Variants in CPEB3 observed in about 807,000 individuals in gnomAD.
CPEB3 encodes cytoplasmic polyadenylation element-binding protein 3.
CPEB3 carries 20 observed loss-of-function variants against 67.2 expected under a neutral mutation model. The observed-to-expected ratio is 0.30, with a 90% CI of 0.21 to 0.43. CPEB3 has a LOEUF of 0.43. CPEB3 is among the 20% of genes least tolerant of loss of function. The probability of loss-of-function intolerance (pLI) is 1.00; values close to 1 mark genes in which losing one functional copy is unlikely to be tolerated. For synonymous variants in CPEB3, 376 were observed against 393.1 expected (o/e 0.96, Z 0.51); for missense variants, 746 against 968.6 (o/e 0.77, Z 3.05).
chr10:92,236,582 T>C (rs1186158756), intron 2 of CPEB3, among the ~76,000 whole-genome samples: 2 of 152,116 alleles, frequency 1.3e-5, no homozygotes, highest in East Asian at 3.9e-4. Context: ...ACCCTGCTTC[T>C]ACTAAAAATA....
intron 7 of CPEB3, among the ~76,000 whole-genome samples, chr10:92,107,750 T>C (rs1844542814): frequency 6.6e-6 from 1 of 152,154 alleles, no homozygotes; most frequent in Non-Finnish European, 1.5e-5. Context: ...AGCTCCTCAA[T>C]ACCTCCTCTT....
At chr10:92,073,027 T>A (rs118137447) in intron 9 of CPEB3, among the ~76,000 whole-genome samples, 129 of 146,382 alleles carry the variant, frequency 8.8e-4, no homozygotes, top group East Asian at 4.4e-3. Flanking sequence ...AACTAAGGCA[T>A]GAATCTCTGT....
chr10:92,125,735 T>A (rs997237791), intron 6 of CPEB3, among the ~76,000 whole-genome samples: 6 of 152,096 alleles, frequency 3.9e-5, no homozygotes, highest in African/African-American at 1.4e-4. Context: ...TTTTTTTTTT[T>A]TTTAAGACAG....
intron 1 of CPEB3, among the ~76,000 whole-genome samples, chr10:92,258,129 G>A (rs559699289): frequency 3.8e-4 from 55 of 143,220 alleles, no homozygotes; most frequent in African/African-American, 1.2e-3. Flanking sequence ...ACCAAGTCTC[G>A]CTCTGTCACC....
rs545467878 is a variant in CPEB3, at chr10:92,047,864, T to C, written c.*4348A>G. ...ATCAACCACTAGTAGAAACATATCA[T>C]CTATCTGGATCAAGTCATTGGCTGT... On this transcript the variant is annotated 3_prime_UTR_variant, in exon 10 of 10. Coordinates refer to ENST00000265997, the MANE Select transcript of CPEB3 (RefSeq NM_014912.5). 2 of 152,342 alleles carry C rather than the reference T, an allele frequency of 1.3e-5. No homozygotes were observed. Among genetic ancestry groups the C allele is most frequent in the South Asian group, 4.1e-4 (2 of 4,828 alleles). The allele number at this position is 152,342 out of a possible 1,614,324, so 9.4% of individuals were successfully genotyped here. A position where few individuals can be genotyped will look rare whatever the true frequency, so the allele number is the denominator to read the frequency against.
chr10:92,123,271 A>C (rs898528833), intron 6 of CPEB3, among the ~76,000 whole-genome samples: 4 of 152,208 alleles, frequency 2.6e-5, no homozygotes, highest in African/African-American at 9.6e-5. Flanking sequence ...TTCTAGTCAC[A>C]GTCAGTTCAA....
At chr10:92,280,654 GAA>G (rs373137395) in intron 1 of CPEB3, among the ~76,000 whole-genome samples, 3,002 of 81,018 alleles carry the variant, frequency 0.037, 31 homozygotes, top group Middle Eastern at 0.13. Flanking sequence ...GGCCGAGAGT[GAA>G]AAAAAAAAAA....
chr10:92,213,633 G>T (rs1340173691), intron 2 of CPEB3, among the ~76,000 whole-genome samples: 1 of 152,126 alleles, frequency 6.6e-6, no homozygotes, highest in Non-Finnish European at 1.5e-5. Flanking sequence ...AGACTTTGTA[G>T]AACCTTACTA....
chr10:92,224,957 C>G (rs1317642189), intron 2 of CPEB3, among the ~76,000 whole-genome samples: 1 of 146,348 alleles, frequency 6.8e-6, no homozygotes, highest in Non-Finnish European at 1.5e-5. Context: ...AAAAATGAAC[C>G]CTACCCCATT....
In CPEB3 at chr10:92,048,408, C is replaced by CA; in HGVS notation, c.*3803_*3804insT. 1 of 148,874 alleles carries CA rather than the reference C, an allele frequency of 6.7e-6. No homozygotes were observed. The highest frequency in any genetic ancestry group is 1.5e-5 in the Non-Finnish European group (1 of 67,164). The allele number at this position is 148,874 out of a possible 1,614,324, so 9.2% of individuals were successfully genotyped here. A position where few individuals can be genotyped will look rare whatever the true frequency, so the allele number is the denominator to read the frequency against. ...TCTCTCACACACACACACACACACA[C>CA]GACATAATGACGAGTTAGAGGGGAA... On this transcript the variant is annotated 3_prime_UTR_variant, in exon 10 of 10. Transcript: ENST00000265997. The surrounding 1 kb of genome is among the most constrained non-coding windows in gnomAD (Gnocchi z 4.1).
At chr10:92,208,657 G>A (rs968301719) in intron 2 of CPEB3, among the ~76,000 whole-genome samples, 4 of 151,176 alleles carry the variant, frequency 2.6e-5, no homozygotes, top group Non-Finnish European at 5.9e-5. Context: ...GCAGTTGGGG[G>A]ATCTGAGCTC....
intron 9 of CPEB3, among the ~76,000 whole-genome samples, chr10:92,062,191 G>A (rs1298472069): frequency 1.4e-5 from 2 of 144,580 alleles, no homozygotes; most frequent in African/African-American, 5.1e-5. Flanking sequence ...GTTGCAGTGA[G>A]CTGAGATCAC....
chr10:92,055,596 G>T (rs1402530092), intron 9 of CPEB3, among the ~76,000 whole-genome samples: 1 of 152,182 alleles, frequency 6.6e-6, no homozygotes, highest in Non-Finnish European at 1.5e-5. Context: ...TCAAAAGCTG[G>T]TGGTCTGCTA....
intron 2 of CPEB3, among the ~76,000 whole-genome samples, chr10:92,196,257 G>A (rs1172945091): frequency 1.3e-5 from 2 of 152,212 alleles, no homozygotes; most frequent in Non-Finnish European, 2.9e-5. Context: ...TGAGGGCAGG[G>A]ACTAGTGTGA....
chr10:92,085,964 AC>A (rs1260560215), intron 8 of CPEB3, among the ~76,000 whole-genome samples: 1 of 152,026 alleles, frequency 6.6e-6, no homozygotes, highest in African/African-American at 2.4e-5. Context: ...CAGAGAGGAA[AC>A]CCATGATGAC....
At chr10:92,129,708 GAA>G (rs1258727441) in intron 6 of CPEB3, among the ~76,000 whole-genome samples, 1 of 151,684 alleles carries the variant, frequency 6.6e-6, no homozygotes, top group African/African-American at 2.4e-5. Context: ...CAATTTAGGA[GAA>G]AAAAAATCCT....
At chr10:92,195,081 A>ACACG (rs1849177520) in intron 2 of CPEB3, among the ~76,000 whole-genome samples, 2 of 150,338 alleles carry the variant, frequency 1.3e-5, no homozygotes, top group Non-Finnish European at 3.0e-5. Context: ...ACACACACAC[A>ACACG]CGTACAAAAA....
At chr10:92,210,202 A>G (rs964506280) in intron 2 of CPEB3, among the ~76,000 whole-genome samples, 1 of 152,198 alleles carries the variant, frequency 6.6e-6, no homozygotes, top group Non-Finnish European at 1.5e-5. Flanking sequence ...ATAGAATTGA[A>G]TAAGTTATTT....
chr10:92,272,717 G>C (rs1439152335), intron 1 of CPEB3, among the ~76,000 whole-genome samples: 2 of 152,190 alleles, frequency 1.3e-5, no homozygotes, highest in Admixed American at 1.3e-4. Flanking sequence ...TTAGATTCTA[G>C]CAAAGATCAA....
Sources: gnomAD v4.1 joint callset for allele counts (sites outside exome capture counted in the v4.1 genomes callset) on GRCh38, gnomAD v4.1.1 for gene constraint, Gnocchi (gnomAD v3.1) non-coding constraint, MANE v1.5 for transcripts, NCBI Gene and HGNC (gene_info 2026-07-23, HGNC 2026-07-21) for gene names.